The following SRP19 variants were observed in gnomAD, a reference collection of about 807,000 sequenced individuals.
SRP19 encodes the protein signal recognition particle 19 kDa protein.
In SRP19, 11 loss-of-function variants were observed where a neutral mutation model predicts 22.4. The observed-to-expected ratio is 0.49, with a 90% confidence interval of 0.31 to 0.81. The LOEUF is 0.81. Ranked by LOEUF, SRP19 falls within the 40% of genes least tolerant of loss-of-function variation. The pLI is 0.05. For missense variants in SRP19, 168 were observed against 175.9 expected, an observed-to-expected ratio of 0.96 and a Z score of 0.25; for synonymous variants, 61 against 57.6, an observed-to-expected ratio of 1.06 and a Z score of -0.27.
chr5:112,875,806 G>A (rs1294820964), intron 4 of SRP19, among the ~76,000 whole-genome samples: 1 of 151,578 alleles, frequency 6.6e-6, no homozygotes, highest in Non-Finnish European at 1.5e-5. Context: ...CAGCTCTTTG[G>A]GAGGCCGAGG....
intron 4 of SRP19, chr5:112,876,280 TAA>T (rs1580722734): frequency 6.6e-6 from 1 of 152,210 alleles, no homozygotes; most frequent in East Asian, 1.9e-4. Context: ...ATAGAGTTAA[TAA>T]AGAGCAGTGT....
intron 4 of SRP19, among the ~76,000 whole-genome samples, chr5:112,890,447 T>C (rs77332782): frequency 0.068 from 10,155 of 150,098 alleles, 543 homozygotes; most frequent in South Asian, 0.14. Context: ...CAAAACACTA[T>C]AGCCTCAACT....
chr5:112,861,516 C>T (rs1283666672), intron 1 of SRP19, 99 bp downstream of exon 1: 35 of 1,326,520 alleles, frequency 2.6e-5, no homozygotes, highest in Non-Finnish European at 3.5e-5. Context: ...CCAGAATGGC[C>T]TAGCTGATCC....
downstream of SRP19, among the ~76,000 whole-genome samples, chr5:112,870,999 C>T (rs1314206148): frequency 6.6e-6 from 1 of 152,030 alleles, no homozygotes; most frequent in Non-Finnish European, 1.5e-5. Flanking sequence ...ATTACAAGTG[C>T]CTGCCACTGT....
chr5:112,887,722 C>G (rs536926138), intron 4 of SRP19, among the ~76,000 whole-genome samples: 125 of 152,228 alleles, frequency 8.2e-4, no homozygotes, highest in African/African-American at 2.8e-3. Context: ...TACAGTTGTT[C>G]TTCATCTTTC....
chr5:112,880,989 C>T (rs932189236), intron 4 of SRP19, among the ~76,000 whole-genome samples: 16 of 151,930 alleles, frequency 1.1e-4, no homozygotes, highest in Non-Finnish European at 1.5e-4. Context: ...ATCAGCTGGG[C>T]GTGGTGGCCC....
chr5:112,866,435 C>T (rs1000495229), intron 4 of SRP19, among the ~76,000 whole-genome samples: 6 of 152,182 alleles, frequency 3.9e-5, no homozygotes, highest in East Asian at 1.9e-4. Flanking sequence ...CAGTCTTGAC[C>T]TCTTGGGCTC....
downstream of SRP19, among the ~76,000 whole-genome samples, chr5:112,870,159 G>A (rs968463304): frequency 2.0e-5 from 3 of 152,140 alleles, no homozygotes; most frequent in Non-Finnish European, 2.9e-5. Flanking sequence ...TTTCAGTCCT[G>A]ACAGCCAAGG....
At chr5:112,880,336 T>C (rs1768031347) in intron 4 of SRP19, among the ~76,000 whole-genome samples, 1 of 152,194 alleles carries the variant, frequency 6.6e-6, no homozygotes. Flanking sequence ...GAATGTGCTA[T>C]GAGAACCAGT....
At chr5:112,886,803 T>C (rs1768261687) in intron 4 of SRP19, among the ~76,000 whole-genome samples, 1 of 152,250 alleles carries the variant, frequency 6.6e-6, no homozygotes, top group Admixed American at 6.5e-5. Flanking sequence ...GACTGAAGGC[T>C]ACATTAAATG....
At chr5:112,896,861 A>ATC (rs1768694147), downstream of SRP19, 1 of 152,156 alleles carries the variant, frequency 6.6e-6, no homozygotes, top group Admixed American at 6.6e-5. Flanking sequence ...AACCTGGGAA[A>ATC]GAGGTTACAG....
chr5:112,877,278 A>C (rs1219716942), intron 4 of SRP19: 1 of 152,162 alleles, frequency 6.6e-6, no homozygotes, highest in Middle Eastern at 3.2e-3. Flanking sequence ...CCTGATTGTT[A>C]TCTCAAGGTG....
At chr5:112,892,542 G>C in exon 5 of SRP19, 2 of 1,614,210 alleles carry the variant, frequency 1.2e-6, no homozygotes, top group Non-Finnish European at 1.7e-6. Flanking sequence ...CAGGACGACA[G>C]CTGCAATGTG....
chr5:112,868,005 G>A lies in SRP19; in HGVS notation c.*468G>A. The A allele has an allele frequency of 1.0e-6, 1 of 986,372 alleles. No homozygotes were observed. The highest frequency in any genetic ancestry group is 1.2e-6 in the Non-Finnish European group (1 of 830,546). The allele number at this position is 986,372 out of a possible 1,614,324, so 61.1% of individuals were successfully genotyped here. The stretch of plus-strand genomic sequence containing the variant: ...TTTCCATAGTGTGAGGCTAAAACTA[G>A]AAGAAACTGTGGTAGGTCCTTTTGT... On this transcript the variant is annotated 3_prime_UTR_variant, in exon 5 of 5. Transcript: ENST00000505459.
intron 4 of SRP19, chr5:112,878,430 A>G (rs1767962751): frequency 4.5e-6 from 1 of 223,538 alleles, no homozygotes; most frequent in Non-Finnish European, 8.8e-6. Flanking sequence ...TCCTAAATGT[A>G]ACTACAGAGA....
chr5:112,866,905 T>G (rs922537839), intron 4 of SRP19, among the ~76,000 whole-genome samples: 1 of 152,156 alleles, frequency 6.6e-6, no homozygotes, highest in African/African-American at 2.4e-5. Flanking sequence ...AGGAACTTGG[T>G]CTGTTGGGGG....
intron 4 of SRP19, chr5:112,878,597 T>C (rs1036958668): frequency 1.2e-6 from 1 of 828,314 alleles, no homozygotes; most frequent in African/African-American, 1.7e-5. Context: ...CTGCATTAAG[T>C]TTAAAGTGCT....
At chr5:112,862,848 T>C (rs974468235) in intron 2 of SRP19, among the ~76,000 whole-genome samples, 4 of 152,174 alleles carry the variant, frequency 2.6e-5, no homozygotes, top group African/African-American at 9.7e-5. Flanking sequence ...GTTCACATGT[T>C]TTTAAAACAA....
intron 4 of SRP19, among the ~76,000 whole-genome samples, chr5:112,880,668 C>T (rs373078379): frequency 6.6e-6 from 1 of 152,278 alleles, no homozygotes; most frequent in African/African-American, 2.4e-5. Flanking sequence ...AATTCTCTTG[C>T]CCCTATTTAG....
Sources: allele counts gnomAD v4.1 joint callset (sites outside exome capture counted in the v4.1 genomes callset), GRCh38; gene constraint gnomAD v4.1.1; transcripts MANE v1.5; gene names NCBI Gene and HGNC (gene_info 2026-07-23, HGNC 2026-07-21).